The following PRKG1 variants were observed in gnomAD, a reference collection of about 807,000 sequenced individuals.
The protein encoded by PRKG1 is cGMP-dependent protein kinase 1.
PRKG1 carries 35 observed loss-of-function variants against 88.1 expected under a neutral mutation model. The observed-to-expected ratio is 0.40, with a 90% CI of 0.30 to 0.53. PRKG1 has a LOEUF of 0.53. PRKG1 is among the 20% of genes least tolerant of loss of function. The probability of loss-of-function intolerance (pLI) is 0.59; values close to 1 mark genes in which losing one functional copy is unlikely to be tolerated. For synonymous variants in PRKG1, 303 were observed against 292.5 expected (o/e 1.04, Z -0.37); for missense variants, 540 against 839.8 (o/e 0.64, Z 4.41).
At chr10:51,214,541 G>T (rs141829253) in intron 2 of PRKG1, among the ~76,000 whole-genome samples, 79 of 152,118 alleles carry the variant, frequency 5.2e-4, no homozygotes, top group African/African-American at 1.8e-3. Context: ...GAGCGCAGTG[G>T]CATGATCACT....
rs367964872 is a variant in PRKG1 at position 51,351,931 on chromosome 10, G to C, written c.479-115792G>C. 1.4e-4 allele frequency among the ~76,000 whole-genome samples: 21 copies of C among 152,290 alleles called. 1 individual carries two copies. Among genetic ancestry groups the C allele is most frequent in the African/African-American group, 4.8e-4 (20 of 41,568 alleles). ...AGTTAATATTTCTATAAGGTGTAAGGAAGGGGGTCCAGTTTCTGTTTTCTG... is the reference window on the plus strand; with the variant it reads ...AGTTAATATTTCTATAAGGTGTAAGCAAGGGGGTCCAGTTTCTGTTTTCTG... On this transcript the variant is annotated intron_variant, in intron 2 of 17. Coordinates refer to ENST00000373980, the MANE Select transcript of PRKG1 (RefSeq NM_006258.4).
intron 5 of PRKG1, among the ~76,000 whole-genome samples, chr10:52,020,544 G>T (rs765003625): frequency 1.3e-5 from 2 of 152,188 alleles, no homozygotes; most frequent in Non-Finnish European, 2.9e-5. Context: ...GAACAGGAAA[G>T]AAAGGAAAGT....
chr10:51,483,014 T>TC (rs1840413145), intron 3 of PRKG1, among the ~76,000 whole-genome samples: 1 of 115,764 alleles, frequency 8.6e-6, no homozygotes, highest in African/African-American at 2.7e-5. Flanking sequence ...TCTTTCTTTT[T>TC]TTTTTTTTTT....
intron 4 of PRKG1, among the ~76,000 whole-genome samples, chr10:51,877,341 C>T (rs763307799): frequency 2.7e-4 from 41 of 152,050 alleles, no homozygotes; most frequent in Non-Finnish European, 1.3e-4. Context: ...TTAAACAACC[C>T]GATAAGCTTT....
At chr10:52,150,761 A>T (rs1910534) in intron 8 of PRKG1, among the ~76,000 whole-genome samples, 1 of 151,968 alleles carries the variant, frequency 6.6e-6, no homozygotes, top group African/African-American at 2.4e-5. Flanking sequence ...TAGATTTATT[A>T]TGCCATTTTA....
At chr10:52,132,913 G>T (rs1241142043) in intron 7 of PRKG1, among the ~76,000 whole-genome samples, 8 of 152,092 alleles carry the variant, frequency 5.3e-5, no homozygotes, top group African/African-American at 1.7e-4. Flanking sequence ...GGAGAACGGG[G>T]TATCCACCCC....
At position 51,970,850 on chromosome 10, in the gene PRKG1, C is replaced by G. The variant is rs573038903; in HGVS notation, c.762+63280C>G. 1.3e-4 allele frequency among the ~76,000 whole-genome samples: 18 copies of G among 138,348 alleles called. No individual in the cohort carries two copies. In the East Asian group the frequency reaches 3.6e-3, roughly 28 times the overall value. The allele number at this position is 138,348 out of a possible 152,430, so 90.8% of individuals were successfully genotyped here. A position where few individuals can be genotyped will look rare whatever the true frequency, so the allele number is the denominator to read the frequency against. ...ATATGTGATATATATATATATATAT[C>G]TCCATCCCCAACAGAAGTACATGTG... is the stretch of plus-strand genomic sequence containing the variant. On this transcript the variant is annotated intron_variant, in intron 5 of 17. Transcript: ENST00000373980.
chr10:51,519,166 G>C (rs1841671327), intron 3 of PRKG1, among the ~76,000 whole-genome samples: 1 of 152,144 alleles, frequency 6.6e-6, no homozygotes, highest in African/African-American at 2.4e-5. Flanking sequence ...CATTTGATAT[G>C]TGGCATTTTT....
intron 1 of PRKG1, among the ~76,000 whole-genome samples, chr10:51,082,944 A>G (rs1055624735): frequency 6.6e-6 from 1 of 152,172 alleles, no homozygotes; most frequent in East Asian, 1.9e-4. Flanking sequence ...CCTGAGGTAT[A>G]GGTATATTAT....
chr10:51,763,425 TA>T (rs1050992092), intron 3 of PRKG1, among the ~76,000 whole-genome samples: 1 of 151,448 alleles, frequency 6.6e-6, no homozygotes, highest in Non-Finnish European at 1.5e-5. Flanking sequence ...ACAGCTAATT[TA>T]AAAAAAATTT....
chr10:51,937,557 A>G (rs1345267055), intron 5 of PRKG1, among the ~76,000 whole-genome samples: 1 of 152,098 alleles, frequency 6.6e-6, no homozygotes, highest in Admixed American at 6.6e-5. Flanking sequence ...AGAGTTGTAC[A>G]TACCATCTGT....
chr10:51,093,217 C>T (rs1844440391), intron 1 of PRKG1, among the ~76,000 whole-genome samples: 1 of 152,134 alleles, frequency 6.6e-6, no homozygotes, highest in Non-Finnish European at 1.5e-5. Context: ...TCTCCAAACT[C>T]TTTGAATCAG....
At chr10:51,368,892 G>A (rs1842642935) in intron 2 of PRKG1, among the ~76,000 whole-genome samples, 1 of 152,056 alleles carries the variant, frequency 6.6e-6, no homozygotes, top group Non-Finnish European at 1.5e-5. Flanking sequence ...CAAGAATGAG[G>A]TATATGGATT....
At position 51,873,680 on chromosome 10, in the gene PRKG1, A is replaced by G. The variant is rs1043296687; in HGVS notation, c.699-33827A>G. On this transcript the variant is annotated intron_variant, in intron 4 of 17. Coordinates refer to ENST00000373980, the MANE Select transcript of PRKG1 (RefSeq NM_006258.4). ...GTAGTTGGGATTACAGGTACGTGCC[A>G]CCGTGCCCCAGCTAATTTCTGTACT... Among the ~76,000 whole-genome samples, 19 of 152,066 alleles carry G rather than the reference A, an allele frequency of 1.2e-4. No individual in the cohort carries two copies. In the South Asian group the frequency reaches 2.7e-3, roughly 22 times the overall value.
intron 3 of PRKG1, among the ~76,000 whole-genome samples, chr10:51,558,946 G>A (rs1408537207): frequency 6.6e-6 from 1 of 152,062 alleles, no homozygotes; most frequent in Non-Finnish European, 1.5e-5. Context: ...CTCAACCCAT[G>A]TCATTGTGTT....
intron 5 of PRKG1, among the ~76,000 whole-genome samples, chr10:51,959,549 T>A (rs1843396006): frequency 6.6e-6 from 1 of 152,132 alleles, no homozygotes; most frequent in Non-Finnish European, 1.5e-5. Flanking sequence ...TTGGTCACAA[T>A]TTTTCTCCTT....
chr10:51,058,267 T>C (rs913315056), intron 1 of PRKG1, among the ~76,000 whole-genome samples: 1 of 152,126 alleles, frequency 6.6e-6, no homozygotes, highest in African/African-American at 2.4e-5. Context: ...TAAATATATA[T>C]TATAAATATC....
intron 4 of PRKG1, among the ~76,000 whole-genome samples, chr10:51,840,054 T>C (rs778023183): frequency 1.3e-5 from 2 of 152,206 alleles, no homozygotes; most frequent in Non-Finnish European, 2.9e-5. Flanking sequence ...ATTTGCCAAA[T>C]GCAGGTGGCA....
chr10:51,219,533 C>T (rs1002217637), intron 2 of PRKG1, among the ~76,000 whole-genome samples: 38 of 151,570 alleles, frequency 2.5e-4, no homozygotes, highest in African/African-American at 9.2e-4. Flanking sequence ...CATAGTGAAA[C>T]CCCGTCTCTA....
Sources: gnomAD v4.1 joint callset for allele counts (sites outside exome capture counted in the v4.1 genomes callset) on GRCh38, gnomAD v4.1.1 for gene constraint, MANE v1.5 for transcripts, NCBI Gene and HGNC (gene_info 2026-07-23, HGNC 2026-07-21) for gene names.